CCT8L2: variants seen among roughly 807,000 people sequenced by gnomAD.
The protein encoded by CCT8L2 is T-complex protein 1 subunit theta-like 2.
A neutral mutation model predicts 31.5 loss-of-function variants in CCT8L2; 29 were observed. The ratio of observed to expected loss-of-function variants is 0.92; its 90% CI spans 0.68 to 1.25. CCT8L2 has a LOEUF of 1.25. CCT8L2 is among the 50% of genes most tolerant of loss of function. CCT8L2 has a pLI of 0.00. For missense variants in CCT8L2, 589 were observed against 695.7 expected, an observed-to-expected ratio of 0.85 and a Z score of 1.73; for synonymous variants, 256 against 290.1, an observed-to-expected ratio of 0.88 and a Z score of 1.19.
Position 16,592,627 on chromosome 22 carries a change from G to C in CCT8L2, c.-77C>G. The C allele has an allele frequency of 7.7e-7, 1 of 1,298,164 alleles. No individual in the cohort carries two copies. The highest frequency in any genetic ancestry group is 1.1e-6 in the Non-Finnish European group (1 of 945,258). 80.4% of individuals were successfully genotyped at this position (1,298,164 alleles called of 1,614,324 possible). On this transcript the variant is annotated 5_prime_UTR_variant, in exon 1 of 1. It adds an upstream start codon to the 5' untranslated region. Transcript: ENST00000359963. ...CAGCAGCTGGGGCACTCCTGACACC[G>C]ATCGTTGAAAGTACTCAAGAGGTCA...
rs368665591 is a variant in CCT8L2 at position 16,592,698 on chromosome 22, T to G, written c.-148A>C. The G allele has an allele frequency of 5.8e-6, 4 of 687,802 alleles. No individual in the cohort carries two copies. The Admixed American group carries it at 8.8e-5, about 15-fold the overall frequency. 42.6% of individuals were successfully genotyped at this position (687,802 alleles called of 1,614,324 possible). A position where few individuals can be genotyped will look rare whatever the true frequency, so the allele number is the denominator to read the frequency against. On this transcript the variant is annotated 5_prime_UTR_variant, in exon 1 of 1. The change abolishes an upstream ATG in the 5' untranslated region. Coordinates refer to ENST00000359963, the MANE Select transcript of CCT8L2 (RefSeq NM_014406.5). ...GCCCATTGATTGGTATCTGAAGACA[T>G]CAGCACGGACCAGCACTCCACTGTG...
rs1568981664 is a variant in CCT8L2 at position 16,591,286 on chromosome 22, A to AT, written c.1264dup (p.Met422AsnfsTer4). Reference sequence around the variant, plus strand: ...CAATCTGCTTCCTTTATCAGAAAGCATTTTTGCCAAAGCCATTTCTGTGGC... The same window carrying AT: ...CAATCTGCTTCCTTTATCAGAAAGCATTTTTTGCCAAAGCCATTTCTGTGGC... On this transcript the variant is annotated frameshift_variant, in exon 1 of 1. Transcript: ENST00000359963. LOFTEE classifies it high-confidence loss of function. The AT allele has an allele frequency of 2.5e-6, 4 of 1,614,038 alleles. No homozygotes were observed. Among genetic ancestry groups the AT allele is most frequent in the Non-Finnish European group, 3.4e-6 (4 of 1,179,870 alleles).
rs540006859 is a variant in CCT8L2 at position 16,592,634 on chromosome 22, G to A, written c.-84C>T. The A allele has an allele frequency of 5.7e-6, 7 of 1,223,082 alleles. No individual in the cohort carries two copies. The African/African-American group carries it at 6.1e-5, about 11-fold the overall frequency. The allele number at this position is 1,223,082 out of a possible 1,614,324, so 75.8% of individuals were successfully genotyped here. On this transcript the variant is annotated 5_prime_UTR_variant, in exon 1 of 1. Coordinates refer to ENST00000359963, the MANE Select transcript of CCT8L2 (RefSeq NM_014406.5). ...TGGGGCACTCCTGACACCGATCGTT[G>A]AAAGTACTCAAGAGGTCAGTGGAAG...
Position 16,592,554 on chromosome 22 carries a change from C to T in CCT8L2, c.-4G>A, listed in dbSNP as rs749046568. 1.3e-6 allele frequency: 2 copies of T among 1,593,066 alleles called. No individual in the cohort carries two copies. The highest frequency in any genetic ancestry group is 2.3e-5 in the South Asian group (2 of 88,604). On this transcript the variant is annotated 5_prime_UTR_variant, in exon 1 of 1. Transcript: ENST00000359963. ...CTGAAGGGACTGTGCTGTCCATGGC[C>T]CGCAGAGAGAGGAGAGGCCACCGTG...
chr22:16,590,986 A>G lies in CCT8L2; in HGVS notation c.1565T>C (p.Val522Ala), dbSNP rs761500510. 6 of 1,613,850 alleles carry G rather than the reference A, an allele frequency of 3.7e-6. No individual in the cohort carries two copies. Among genetic ancestry groups the G allele is most frequent in the African/African-American group, 2.7e-5 (2 of 74,912 alleles). The change falls in exon 1 of 1, where the codon GTG becomes GCG. Residue 522 changes from valine to alanine, a missense_variant. Val to Ala is a moderately conservative substitution (Grantham distance 64). Coordinates refer to ENST00000359963, the MANE Select transcript of CCT8L2 (RefSeq NM_014406.5). ...LQLVTVDEIV[V>A]AKKSPTHQEI... ...CTGATGTGTGGGACTTTTCTTGGCC[A>G]CTACGATTTCATCTACAGTCACGAG...
In CCT8L2 at chr22:16,592,140, G is replaced by T; in HGVS notation, c.411C>A (p.Ala137=). ...LPRPQLREAY[A]TATAEVLATL... is the part of the protein sequence containing the mutation. Reference sequence around the variant, plus strand: ...TGGCCAGGACCTCTGCAGTGGCCGTGGCGTAGGCCTCCCGGAGCTGCGGGC... The same window carrying T: ...TGGCCAGGACCTCTGCAGTGGCCGTTGCGTAGGCCTCCCGGAGCTGCGGGC... The change falls in exon 1 of 1, where the codon GCC becomes GCA. Residue 137 remains alanine (A), a synonymous_variant. Transcript: ENST00000359963. 6.2e-7 allele frequency: 1 copy of T among 1,614,184 alleles called. No individual in the cohort carries two copies. Among genetic ancestry groups the T allele is most frequent in the Non-Finnish European group, 8.5e-7 (1 of 1,180,036 alleles).
Position 16,592,105 on chromosome 22 carries a change from G to T in CCT8L2, c.446C>A (p.Ser149Tyr), listed in dbSNP as rs192372931. The change falls in exon 1 of 1, where the codon TCC becomes TAC. Residue 149 changes from serine to tyrosine, a missense_variant. Ser to Tyr is a moderately radical substitution (Grantham distance 144). Coordinates refer to ENST00000359963, the MANE Select transcript of CCT8L2 (RefSeq NM_014406.5). ...ATAEVLATLP[S>Y]LAIQSLGPLE... is the part of the protein sequence containing the mutation. ...AGGCCCCAGAGATTGGATGGCCAGG[G>T]AGGGCAGTGTGGCCAGGACCTCTGC... 8 of 1,614,254 alleles carry T rather than the reference G, an allele frequency of 5.0e-6. No individual in the cohort carries two copies. Among genetic ancestry groups the T allele is most frequent in the Non-Finnish European group, 5.9e-6 (7 of 1,180,052 alleles).
In CCT8L2 at chr22:16,591,185, C is replaced by CAAGA; in HGVS notation, c.1365_1366insTCTT (p.Ala456SerfsTer29). ...ATCACGTCTGAGACAGCTAAGCCTG[C>CAAGA]ATTCTCTGCCAAAGTTTTAGGAAGA... On this transcript the variant is annotated frameshift_variant, in exon 1 of 1. Coordinates refer to ENST00000359963, the MANE Select transcript of CCT8L2 (RefSeq NM_014406.5). LOFTEE classifies it high-confidence loss of function. The CAAGA allele has an allele frequency of 6.2e-7, 1 of 1,614,054 alleles. No individual in the cohort carries two copies. The highest frequency in any genetic ancestry group is 8.5e-7 in the Non-Finnish European group (1 of 1,179,884).
Position 16,591,465 on chromosome 22 carries a change from T to C in CCT8L2, c.1086A>G (p.Val362=), listed in dbSNP as rs780265127. ...GTGTGCCTGTACATTCCCATTCAAA[T>C]ACCACAGCCAAACCATCTCCCAGCT... The part of the protein sequence containing the change: ...RQELGDGLAV[V]FEWECTGTPA... The change falls in exon 1 of 1, where the codon GTA becomes GTG. Residue 362 remains valine, a synonymous_variant. Coordinates refer to ENST00000359963, the MANE Select transcript of CCT8L2 (RefSeq NM_014406.5). 5 of 1,614,110 alleles carry C rather than the reference T, an allele frequency of 3.1e-6. No homozygotes were observed. The South Asian group carries it at 3.3e-5, about 11-fold the overall frequency.
In CCT8L2 at chr22:16,591,707, C is replaced by T; in HGVS notation, c.844G>A (p.Val282Ile). Residue 282 changes from valine to isoleucine, a missense_variant, in exon 1 of 1, where the codon GTA becomes ATA. Transcript: ENST00000359963. ...ATTCCTGCAGCTGCTAGCTGGCCTACTTGCTTTTCTAGTAATTGATCGCTT... is the reference window on the plus strand; with the variant it reads ...ATTCCTGCAGCTGCTAGCTGGCCTATTTGCTTTTCTAGTAATTGATCGCTT... ...KGSDQLLEKQ[V>I]GQLAAAGINV... 6.2e-7 allele frequency: 1 copy of T among 1,614,250 alleles called. No individual in the cohort carries two copies. The highest frequency in any genetic ancestry group is 2.2e-5 in the East Asian group (1 of 44,884).
rs1479470209 is a variant in CCT8L2, at chr22:16,591,505, C to G, written c.1046G>C (p.Arg349Thr). 1.2e-6 allele frequency: 2 copies of G among 1,614,100 alleles called. No homozygotes were observed. Among genetic ancestry groups the G allele is most frequent in the African/African-American group, 2.7e-5 (2 of 74,940 alleles). The change falls in exon 1 of 1, where the codon AGG becomes ACG. Residue 349 changes from arginine (R) to threonine (T), a missense_variant. Coordinates refer to ENST00000359963, the MANE Select transcript of CCT8L2 (RefSeq NM_014406.5). ...LPPQRPGKCQRVYRQELGDGL... is the reference protein window; with the variant it reads ...LPPQRPGKCQTVYRQELGDGL... ...ATCTCCCAGCTCCTGCCTGTAAACC[C>G]TCTGGCACTTGCCTGGCCTCTGGGG...
rs781458727 is a variant in CCT8L2, at chr22:16,591,728, C to A, written c.823G>T (p.Asp275Tyr). Reference protein sequence around the residue: ...ADLAQFSKGSDQLLEKQVGQL... With the variant: ...ADLAQFSKGSYQLLEKQVGQL... ...CCTACTTGCTTTTCTAGTAATTGAT[C>A]GCTTCCTTTACTAAATTGAGCTAGA... The change falls in exon 1 of 1, where the codon GAT becomes TAT. Residue 275 changes from aspartate (D) to tyrosine (Y), a missense_variant. Asp to Tyr is a radical substitution (Grantham distance 160). Transcript: ENST00000359963. 6.2e-7 allele frequency: 1 copy of A among 1,614,172 alleles called. No homozygotes were observed. The highest frequency in any genetic ancestry group is 8.5e-7 in the Non-Finnish European group (1 of 1,180,030).
chr22:16,591,158 C>A lies in CCT8L2; in HGVS notation c.1393G>T (p.Ala465Ser), dbSNP rs753630472. ...NAGLAVSDVMAEMSGVHQGGN... is the reference protein window; with the variant it reads ...NAGLAVSDVMSEMSGVHQGGN... ...CCTTGGTGCACTCCACTCATTTCTGCCATCACGTCTGAGACAGCTAAGCCT... is the reference window on the plus strand; with the variant it reads ...CCTTGGTGCACTCCACTCATTTCTGACATCACGTCTGAGACAGCTAAGCCT... Residue 465 changes from alanine to serine, a missense_variant, in exon 1 of 1, where the codon GCA becomes TCA. Transcript: ENST00000359963. 1.9e-6 allele frequency: 3 copies of A among 1,614,052 alleles called. No individual in the cohort carries two copies. In the East Asian group the frequency reaches 6.7e-5, roughly 36 times the overall value.
rs1413429127 is a variant in CCT8L2, at chr22:16,591,818, C to A, written c.733G>T (p.Ala245Ser). The A allele has an allele frequency of 3.1e-6, 5 of 1,614,066 alleles. No homozygotes were observed. In the African/African-American group the frequency reaches 4.0e-5, roughly 13 times the overall value. ...GGATGGGCAGGACCAAAGGGGCAAG[C>A]AAAGAGAGCCACCCTGGCACCACTT... is the stretch of plus-strand genomic sequence containing the variant. ...VLSGARVALFACPFGPAHPNA... is the reference protein window; with the variant it reads ...VLSGARVALFSCPFGPAHPNA... Residue 245 changes from alanine to serine, a missense_variant, in exon 1 of 1, where the codon GCT becomes TCT. Physicochemically the swap from Ala to Ser is moderately conservative, Grantham distance 99. Transcript: ENST00000359963.
Position 16,591,719 on chromosome 22 carries a change from G to A in CCT8L2, c.832C>T (p.Leu278=). 1 of 1,614,190 alleles carries A rather than the reference G, an allele frequency of 6.2e-7. No homozygotes were observed. The highest frequency in any genetic ancestry group is 8.5e-7 in the Non-Finnish European group (1 of 1,180,042). The change falls in exon 1 of 1, where the codon CTA becomes TTA. Residue 278 remains leucine (L), a synonymous_variant. Coordinates refer to ENST00000359963, the MANE Select transcript of CCT8L2 (RefSeq NM_014406.5). ...AQFSKGSDQL[L]EKQVGQLAAA... ...GCTAGCTGGCCTACTTGCTTTTCTA[G>A]TAATTGATCGCTTCCTTTACTAAAT...
rs773764022 is a variant in CCT8L2, at chr22:16,592,005, C to T, written c.546G>A (p.Lys182=). The T allele has an allele frequency of 1.2e-6, 2 of 1,614,066 alleles. No individual in the cohort carries two copies. The highest frequency in any genetic ancestry group is 2.7e-5 in the African/African-American group (2 of 74,922). ...TAGCCCAGCAGGCGTGGGCCACCAG[C>T]TTGGTCAAGTGGTCCATGGGGGACA... ...HTLSPMDHLT[K]LVAHACWAIK... is the part of the protein sequence containing the mutation. Residue 182 remains lysine, a synonymous_variant, in exon 1 of 1, where the codon AAG becomes AAA. Transcript: ENST00000359963.
rs564761900 is a variant in CCT8L2 at position 16,592,645 on chromosome 22, A to G, written c.-95T>C. On this transcript the variant is annotated 5_prime_UTR_variant, in exon 1 of 1. Transcript: ENST00000359963. ...TGACACCGATCGTTGAAAGTACTCA[A>G]GAGGTCAGTGGAAGCAAGGAGCCAA... The G allele has an allele frequency of 6.3e-6, 7 of 1,110,684 alleles. No homozygotes were observed. The African/African-American group carries it at 7.9e-5, about 12-fold the overall frequency. 68.8% of individuals were successfully genotyped at this position (1,110,684 alleles called of 1,614,324 possible).
chr22:16,591,728 C>T lies in CCT8L2; in HGVS notation c.823G>A (p.Asp275Asn), dbSNP rs781458727. 2.2e-5 allele frequency: 36 copies of T among 1,614,172 alleles called. No individual in the cohort carries two copies. Among genetic ancestry groups the T allele is most frequent in the East Asian group, 4.5e-5 (2 of 44,882 alleles). ...ADLAQFSKGS[D>N]QLLEKQVGQL... The stretch of plus-strand genomic sequence containing the variant: ...CCTACTTGCTTTTCTAGTAATTGAT[C>T]GCTTCCTTTACTAAATTGAGCTAGA... The change falls in exon 1 of 1, where the codon GAT (aspartate) becomes AAT (asparagine). Residue 275 changes from aspartate to asparagine, a missense_variant. By Grantham distance (23) the Asp-to-Asn change is conservative (BLOSUM62 1). Transcript: ENST00000359963.
Position 16,591,128 on chromosome 22 carries a change from T to C in CCT8L2, c.1423A>G (p.Asn475Asp), listed in dbSNP as rs1415486090. The C allele has an allele frequency of 1.2e-6, 2 of 1,614,038 alleles. No homozygotes were observed. Among genetic ancestry groups the C allele is most frequent in the South Asian group, 2.2e-5 (2 of 91,078 alleles). Reference protein sequence around the residue: ...AEMSGVHQGGNLLMGVGTEGI... With the variant: ...AEMSGVHQGGDLLMGVGTEGI... Reference sequence around the variant, plus strand: ...TCAGTTCCCACACCCATTAGGAGGTTCCCACCTTGGTGCACTCCACTCATT... The same window carrying C: ...TCAGTTCCCACACCCATTAGGAGGTCCCCACCTTGGTGCACTCCACTCATT... Residue 475 changes from asparagine (N) to aspartate (D), a missense_variant, in exon 1 of 1, where the codon AAC becomes GAC. Transcript: ENST00000359963.
Sources: gnomAD v4.1 joint callset for allele counts on GRCh38, gnomAD v4.1.1 for gene constraint, MANE v1.5 for transcripts, NCBI Gene and HGNC (gene_info 2026-07-23, HGNC 2026-07-21) for gene names.